NAV3: variants seen among roughly 807,000 people sequenced by gnomAD.
NAV3 encodes pore membrane and/or filament interacting like protein 1.
A neutral mutation model predicts 244.7 loss-of-function variants in NAV3; 87 were observed. That is an observed-to-expected ratio of 0.36 (90% CI 0.30 to 0.42). The LOEUF (loss-of-function observed/expected upper bound fraction) is 0.42, where lower values mean the gene tolerates loss of function less well. NAV3 is among the 20% of genes least tolerant of loss of function. NAV3 has a pLI of 1.00. For synonymous variants in NAV3, 1,126 were observed against 1,042.2 expected (o/e 1.08, Z -1.55); for missense variants, 2,663 against 2,893.3 (o/e 0.92, Z 1.83).
At chr12:77,596,985 C>T (rs1870199515) in intron 2 of NAV3, among the ~76,000 whole-genome samples, 1 of 152,082 alleles carries the variant, frequency 6.6e-6, no homozygotes. Context: ...CTTCTATGTG[C>T]ATCCATCGAG....
chr12:78,021,973 C>T (rs1434047917), intron 9 of NAV3, 111 bp downstream of exon 9: 1 of 487,028 alleles, frequency 2.1e-6, no homozygotes, highest in East Asian at 3.4e-5. Flanking sequence ...CAAAAATGGA[C>T]TATATACATC....
chr12:77,672,233 T>C (rs770535), intron 2 of NAV3, among the ~76,000 whole-genome samples: 14 of 151,504 alleles, frequency 9.2e-5, no homozygotes, highest in Admixed American at 2.6e-4. Flanking sequence ...AAGCAAAAAA[T>C]AATAAAAAAA....
chr12:77,680,186 TTC>T (rs1184842334), intron 2 of NAV3, among the ~76,000 whole-genome samples: 1 of 152,132 alleles, frequency 6.6e-6, no homozygotes, highest in African/African-American at 2.4e-5. Flanking sequence ...CTGAATTTGC[TTC>T]TGATAAAATT....
intron 23 of NAV3, 141 bp from the exon 24 acceptor site, chr12:78,168,614 G>A (rs1957877336): frequency 1.7e-6 from 1 of 576,688 alleles, no homozygotes; most frequent in East Asian, 2.9e-5. Context: ...ATTAGGTACA[G>A]CTTGACAAGT....
intron 3 of NAV3, among the ~76,000 whole-genome samples, chr12:77,956,296 AG>A (rs1340397328): frequency 2.0e-5 from 3 of 152,222 alleles, no homozygotes; most frequent in African/African-American, 7.2e-5. Context: ...AAAAATGAGA[AG>A]TATAGTTCAT....
chr12:77,904,309 C>T (rs573560006), intron 1 of NAV3, among the ~76,000 whole-genome samples: 212 of 152,218 alleles, frequency 1.4e-3, no homozygotes, highest in African/African-American at 5.0e-3. Context: ...GAATACTATG[C>T]AGCCATAAAA....
At chr12:78,071,479 GA>G (rs1354144278) in intron 12 of NAV3, among the ~76,000 whole-genome samples, 5 of 151,868 alleles carry the variant, frequency 3.3e-5, no homozygotes, top group East Asian at 3.9e-4. Flanking sequence ...AGTAGGTTGC[GA>G]AAATTTTCTC....
At chr12:78,061,675 A>T (rs754389554) in intron 12 of NAV3, among the ~76,000 whole-genome samples, 10 of 152,106 alleles carry the variant, frequency 6.6e-5, no homozygotes, top group Non-Finnish European at 8.8e-5. Context: ...TAAATGTTGT[A>T]GTTGTATGAC....
At chr12:77,701,472 T>G (rs374346224) in intron 2 of NAV3, among the ~76,000 whole-genome samples, 1 of 151,922 alleles carries the variant, frequency 6.6e-6, no homozygotes, top group East Asian at 1.9e-4. Flanking sequence ...TATATTAATG[T>G]TTTCAAGGAA....
At chr12:77,977,717 C>CGG (rs1868758314) in intron 5 of NAV3, among the ~76,000 whole-genome samples, 4 of 148,248 alleles carry the variant, frequency 2.7e-5, no homozygotes, top group African/African-American at 1.0e-4. Flanking sequence ...CACGCGCACA[C>CGG]ACACACACAC....
chr12:77,978,565 T>G (rs565671298), intron 5 of NAV3, among the ~76,000 whole-genome samples: 1 of 152,176 alleles, frequency 6.6e-6, no homozygotes, highest in Non-Finnish European at 1.5e-5. Context: ...TAACATTTAT[T>G]AAAAATTTTC....
At chr12:78,147,069 A>AG (rs1320538836) in intron 21 of NAV3, among the ~76,000 whole-genome samples, 1 of 152,096 alleles carries the variant, frequency 6.6e-6, no homozygotes, top group African/African-American at 2.4e-5. Flanking sequence ...CAGACAACAG[A>AG]GAAAAAAAAT....
rs2139733665 is a variant in NAV3 at position 78,180,927 on chromosome 12, C to T, written c.5574C>T (p.Asn1858=). Residue 1858 remains asparagine (N), a synonymous_variant, in exon 30 of 40, where the codon AAC becomes AAT. Transcript: ENST00000397909. ...ENDRLKAETG[N]TAKPTRPPSE... Reference sequence around the variant, plus strand: ...ACCGGTTGAAGGCAGAAACTGGTAACACAGCTAAGCCTACTCGGCCACCGT... The same window carrying T: ...ACCGGTTGAAGGCAGAAACTGGTAATACAGCTAAGCCTACTCGGCCACCGT... 1 of 1,612,934 alleles carries T rather than the reference C, an allele frequency of 6.2e-7. No individual in the cohort carries two copies. The highest frequency in any genetic ancestry group is 8.5e-7 in the Non-Finnish European group (1 of 1,179,404).
chr12:78,142,537 A>G (rs1225245674), intron 20 of NAV3, among the ~76,000 whole-genome samples: 1 of 151,780 alleles, frequency 6.6e-6, no homozygotes, highest in Middle Eastern at 3.2e-3. Context: ...TATAGAGAAC[A>G]CAAGGGGTAC....
At chr12:78,010,786 C>T (rs1238328160) in intron 8 of NAV3, 1 of 151,782 alleles carries the variant, frequency 6.6e-6, no homozygotes, top group Non-Finnish European at 1.5e-5. Flanking sequence ...AATTAAATAA[C>T]TTTTATATAA....
intron 2 of NAV3, among the ~76,000 whole-genome samples, chr12:77,765,546 TTATC>T (rs1869703568): frequency 6.6e-6 from 1 of 152,126 alleles, no homozygotes; most frequent in Non-Finnish European, 1.5e-5. Flanking sequence ...TTTAAGCTAT[TTATC>T]AGGAAGCCAA....
rs185184131 is a variant in NAV3, at chr12:77,673,289, G to T, written c.72+101023G>T. ...TCCTCTTTTATGATCAGGTTGCATT[G>T]CAAGAGATTCATACTCAGCGTCTCA... is the stretch of plus-strand genomic sequence containing the variant. On this transcript the variant is annotated intron_variant, in intron 2 of 8. Transcript: ENST00000550042. Among the ~76,000 whole-genome samples the T allele has an allele frequency of 1.6e-3, 246 of 152,146 alleles. 1 individual carries two copies. The highest frequency in any genetic ancestry group is 5.6e-3 in the African/African-American group (232 of 41,520).
chr12:78,114,413 A>G (rs1955264399), intron 12 of NAV3, among the ~76,000 whole-genome samples: 2 of 152,164 alleles, frequency 1.3e-5, no homozygotes, highest in South Asian at 4.1e-4. Flanking sequence ...TTTATAAAGA[A>G]AAAAGAGGTT....
intron 12 of NAV3, among the ~76,000 whole-genome samples, chr12:78,113,555 T>C (rs753127264): frequency 1.3e-5 from 2 of 152,196 alleles, no homozygotes; most frequent in Non-Finnish European, 2.9e-5. Context: ...GCCTTAGCTG[T>C]ACCTTGGCCC....
Sources: allele counts gnomAD v4.1 joint callset (sites outside exome capture counted in the v4.1 genomes callset), GRCh38; gene constraint gnomAD v4.1.1; transcripts MANE v1.5; gene names NCBI Gene and HGNC (gene_info 2026-07-23, HGNC 2026-07-21).